ATP5PF: variants seen among roughly 807,000 people sequenced by gnomAD.
ATP5PF encodes the protein ATP synthase peripheral stalk subunit F6.
A neutral mutation model predicts 12.0 loss-of-function variants in ATP5PF; 7 were observed. The ratio of observed to expected loss-of-function variants is 0.58; its 90% CI spans 0.33 to 1.10. The LOEUF is 1.10. Ranked by LOEUF, ATP5PF falls within the 50% of genes least tolerant of loss-of-function variation. ATP5PF has a pLI of 0.03. For missense variants in ATP5PF, 120 were observed against 127.7 expected (o/e 0.94, Z 0.29); for synonymous variants, 41 against 45.4 (o/e 0.90, Z 0.39).
chr21:25,734,330 G>C (rs534525974), intron 1 of ATP5PF: 2 of 986,176 alleles, frequency 2.0e-6, no homozygotes, highest in East Asian at 1.1e-4. Flanking sequence ...AGTGATGACT[G>C]ACCGGCCAAA....
chr21:25,735,596 G>C (rs1490572905), upstream of ATP5PF: 2 of 152,708 alleles, frequency 1.3e-5, no homozygotes, highest in Non-Finnish European at 1.5e-5. Flanking sequence ...CGGCCGCCGG[G>C]GAGGAGGGGA....
rs372359439 is a variant in ATP5PF at position 25,734,459 on chromosome 21, A to AT, written c.-8+393dup. ...ATGCAAACTTTCAATATTATGACTAATTTTTTCCCTCTTAATGGTACACGT... is the reference window on the plus strand; with the variant it reads ...ATGCAAACTTTCAATATTATGACTAATTTTTTTCCCTCTTAATGGTACACGT... On this transcript the variant is annotated intron_variant, in intron 1 of 3. Transcript: ENST00000284971. 46 of 862,880 alleles carry AT rather than the reference A, an allele frequency of 5.3e-5. No homozygotes were observed. In the African/African-American group the frequency reaches 6.8e-4, roughly 13 times the overall value. The allele number at this position is 862,880 out of a possible 1,614,324, so 53.5% of individuals were successfully genotyped here. A position where few individuals can be genotyped will look rare whatever the true frequency, so the allele number is the denominator to read the frequency against.
At chr21:25,732,051 G>A (rs866085795) in intron 1 of ATP5PF, among the ~76,000 whole-genome samples, 5 of 152,160 alleles carry the variant, frequency 3.3e-5, no homozygotes, top group Non-Finnish European at 4.4e-5. Flanking sequence ...TTACCACTCA[G>A]AGTTTGAGCA....
Position 25,724,603 on chromosome 21 carries a change from C to A in ATP5PF, c.*37G>T, listed in dbSNP as rs757754345. The A allele has an allele frequency of 6.9e-6, 11 of 1,598,916 alleles. No individual in the cohort carries two copies. In the East Asian group the frequency reaches 2.5e-4, roughly 36 times the overall value. On this transcript the variant is annotated 3_prime_UTR_variant, in exon 4 of 4. Transcript: ENST00000284971. ...ACTTCTAACTAGTTGTACAACTAAT[C>A]CGTGACAAATTACCAGATTAATTTT...
chr21:25,734,182 C>A (rs1161049436), intron 1 of ATP5PF, among the ~76,000 whole-genome samples: 1 of 152,118 alleles, frequency 6.6e-6, no homozygotes, highest in Non-Finnish European at 1.5e-5. Flanking sequence ...GACATAAATT[C>A]TCTATTCCAG....
In ATP5PF at chr21:25,729,487, T is replaced by C. The variant is rs141605608; in HGVS notation, c.164+144A>G. On this transcript the variant is annotated intron_variant, in intron 2 of 3. Transcript: ENST00000284971. ...AAAATCAAGATCCTTATCTTCTTTT[T>C]TGAGGGCACCTAATGAACCTCTATG... 1,984 of 675,120 alleles carry C rather than the reference T, an allele frequency of 2.9e-3. 3 individuals carry two copies. Among genetic ancestry groups the C allele is most frequent in the Non-Finnish European group, 3.9e-3 (1,684 of 429,858 alleles). The allele number at this position is 675,120 out of a possible 1,614,324, so 41.8% of individuals were successfully genotyped here.
chr21:25,734,344 T>TA, intron 1 of ATP5PF: 3 of 986,514 alleles, frequency 3.0e-6, no homozygotes, highest in Non-Finnish European at 3.6e-6. Flanking sequence ...GGCCAAAGGT[T>TA]AGTAGGTTCG....
chr21:25,730,599 T>C (rs1269608799), intron 1 of ATP5PF, among the ~76,000 whole-genome samples: 1 of 151,576 alleles, frequency 6.6e-6, no homozygotes, highest in East Asian at 1.9e-4. Flanking sequence ...CTGGGCGTGG[T>C]GGCGCATGCC....
intron 1 of ATP5PF, 92 bp from the exon 2 acceptor site, chr21:25,729,893 C>T: frequency 7.3e-7 from 1 of 1,361,734 alleles, no homozygotes; most frequent in South Asian, 1.4e-5. Flanking sequence ...CTAATTGCTA[C>T]AGAATTACAT....
intron 1 of ATP5PF, chr21:25,734,620 G>A (rs1353088659): frequency 2.4e-6 from 1 of 416,000 alleles, no homozygotes; most frequent in Non-Finnish European, 4.0e-6. Flanking sequence ...TGCCCCCCGC[G>A]CCGCCCCGAT....
chr21:25,734,945 T>C (rs773343273), upstream of ATP5PF: 11 of 1,575,788 alleles, frequency 7.0e-6, no homozygotes, highest in African/African-American at 1.5e-4. Context: ...CTACCCGCCA[T>C]CGCAATGCAT....
chr21:25,725,468 T>C, intron 2 of ATP5PF, 118 bp from the exon 3 acceptor site: 2 of 1,205,750 alleles, frequency 1.7e-6, no homozygotes, highest in Non-Finnish European at 2.2e-6. Flanking sequence ...TGAGACGGAG[T>C]CTTGCTTGGT....
intron 1 of ATP5PF, among the ~76,000 whole-genome samples, chr21:25,730,736 CAAAAAAAAAAAAAAAAAAAA>C (rs71183508): frequency 5.0e-4 from 16 of 31,892 alleles, no homozygotes; most frequent in South Asian, 1.7e-3. Flanking sequence ...CTCCGTCTCA[CAAAAAAAAAAAAAAAAAAAA>C]AAAAAAAAAA....
chr21:25,726,397 T>C (rs2034620854), intron 2 of ATP5PF, among the ~76,000 whole-genome samples: 1 of 152,214 alleles, frequency 6.6e-6, no homozygotes, highest in Admixed American at 6.5e-5. Flanking sequence ...AGGAAGAGAT[T>C]ACTTTTGCTA....
At chr21:25,729,527 A>G in intron 2 of ATP5PF, 104 bp downstream of exon 2, 1 of 1,051,032 alleles carries the variant, frequency 9.5e-7, no homozygotes. Context: ...AGATGAGCTC[A>G]GTGAAGGTCT....
intron 1 of ATP5PF, among the ~76,000 whole-genome samples, chr21:25,733,399 G>A (rs189147753): frequency 1.3e-5 from 2 of 151,738 alleles, no homozygotes; most frequent in East Asian, 3.9e-4. Context: ...GCGTGGTGGC[G>A]GGCACCTGTA....
chr21:25,734,671 G>A (rs2034946847), intron 1 of ATP5PF, 182 bp downstream of exon 1: 2 of 583,068 alleles, frequency 3.4e-6, no homozygotes, highest in South Asian at 3.0e-5. Flanking sequence ...CTGGGTCTAC[G>A]GCAAACTCCA....
intron 2 of ATP5PF, 86 bp from the exon 3 acceptor site, chr21:25,725,436 A>C: frequency 7.6e-7 from 1 of 1,311,706 alleles, no homozygotes; most frequent in Non-Finnish European, 1.0e-6. Context: ...ATTCCAACAG[A>C]TCTTTTTTTT....
At chr21:25,732,913 C>T (rs1485490946) in intron 1 of ATP5PF, among the ~76,000 whole-genome samples, 6 of 120,484 alleles carry the variant, frequency 5.0e-5, no homozygotes, top group South Asian at 2.9e-4. Context: ...ACCCAGGAGG[C>T]GGAGGTTGCG....
Sources: gnomAD v4.1 joint callset for allele counts (sites outside exome capture counted in the v4.1 genomes callset) on GRCh38, gnomAD v4.1.1 for gene constraint, MANE v1.5 for transcripts, NCBI Gene and HGNC (gene_info 2026-07-23, HGNC 2026-07-21) for gene names.